CDH2: variants seen among roughly 807,000 people sequenced by gnomAD.
CDH2 encodes the protein cadherin 2, also known as cadherin-2.
CDH2 carries 17 observed loss-of-function variants against 92.0 expected under a neutral mutation model. The observed-to-expected ratio is 0.18, with a 90% CI of 0.13 to 0.28. The LOEUF is 0.28. CDH2 is among the 10% of genes least tolerant of loss of function. CDH2 has a pLI of 1.00. For missense variants in CDH2, 862 were observed against 1,133.1 expected, an observed-to-expected ratio of 0.76 and a Z score of 3.44; for synonymous variants, 419 against 415.9, an observed-to-expected ratio of 1.01 and a Z score of -0.09.
chr18:27,970,571 A>AT lies in CDH2; in HGVS notation c.2350-7051dup, dbSNP rs1355923765. Among the ~76,000 whole-genome samples, 6 of 152,302 alleles carry AT rather than the reference A, an allele frequency of 3.9e-5. No homozygotes were observed. In the South Asian group the frequency reaches 6.2e-4, roughly 16 times the overall value. On this transcript the variant is annotated intron_variant, in intron 14 of 15. Transcript: ENST00000269141. ...TACTGCAAAGGGAGCCAAGTATTTG[A>AT]TTTTTTAAAATCCTTGATTCAAATC... is the stretch of plus-strand genomic sequence containing the variant.
intron 6 of CDH2, among the ~76,000 whole-genome samples, chr18:27,935,006 C>G (rs1598973810): frequency 6.6e-6 from 1 of 152,184 alleles, no homozygotes; most frequent in Admixed American, 6.5e-5. Flanking sequence ...CCCTCCAGTG[C>G]TTTACTTGAC....
At chr18:28,044,233 AG>A (rs1253747267) in intron 2 of CDH2, among the ~76,000 whole-genome samples, 1 of 152,170 alleles carries the variant, frequency 6.6e-6, no homozygotes, top group East Asian at 1.9e-4. Flanking sequence ...ACATTTGAAC[AG>A]AGGTAAATAA....
chr18:28,070,816 C>T (rs1177573231), intron 2 of CDH2, among the ~76,000 whole-genome samples: 2 of 152,160 alleles, frequency 1.3e-5, no homozygotes, highest in African/African-American at 4.8e-5. Context: ...AACAACACAT[C>T]ATGTCACACC....
intron 2 of CDH2, among the ~76,000 whole-genome samples, chr18:28,043,478 AT>A (rs2013997730): frequency 1.3e-4 from 12 of 95,238 alleles, no homozygotes; most frequent in Admixed American, 8.2e-4. Flanking sequence ...ATATATATAT[AT>A]ATATATATAT....
chr18:28,066,591 C>T (rs1193198161), intron 2 of CDH2, among the ~76,000 whole-genome samples: 2 of 152,070 alleles, frequency 1.3e-5, no homozygotes, highest in African/African-American at 2.4e-5. Flanking sequence ...AACCATTTTA[C>T]TAATTCTCTT....
At chr18:28,160,317 A>C (rs2016288006) in intron 1 of CDH2, among the ~76,000 whole-genome samples, 1 of 152,082 alleles carries the variant, frequency 6.6e-6, no homozygotes. Flanking sequence ...GGCCTTGGCA[A>C]TGGTCTAAGG....
At chr18:27,983,223 T>C in intron 13 of CDH2, 140 bp from the exon 14 acceptor site, 1 of 594,736 alleles carries the variant, frequency 1.7e-6, no homozygotes, top group Non-Finnish European at 2.8e-6. Context: ...TATCTATTTC[T>C]GGCCTCACAT....
intron 2 of CDH2, among the ~76,000 whole-genome samples, chr18:28,101,816 C>A (rs1210965879): frequency 1.3e-5 from 2 of 151,524 alleles, no homozygotes; most frequent in Non-Finnish European, 2.9e-5. Context: ...TTAAGAATTC[C>A]AAATATAAGA....
intron 2 of CDH2, among the ~76,000 whole-genome samples, chr18:28,030,359 G>A (rs2013663057): frequency 6.6e-6 from 1 of 151,986 alleles, no homozygotes; most frequent in African/African-American, 2.4e-5. Flanking sequence ...AAAATGTAGG[G>A]ATATAAAACC....
Position 28,013,618 on chromosome 18 carries a change from T to C in CDH2, c.399+65A>G, listed in dbSNP as rs191307092. ...TTAATGTGGTCTGAAGCAAAGCATA[T>C]ATTTAGTTCAAACTGTATAAAGCTG... is the stretch of plus-strand genomic sequence containing the variant. On this transcript the variant is annotated intron_variant, in intron 3 of 15. Coordinates refer to ENST00000269141, the MANE Select transcript of CDH2 (RefSeq NM_001792.5). 204 of 1,113,272 alleles carry C rather than the reference T, an allele frequency of 1.8e-4. No individual in the cohort carries two copies. The Middle Eastern group carries it at 2.4e-3, about 13-fold the overall frequency. The allele number at this position is 1,113,272 out of a possible 1,614,324, so 69.0% of individuals were successfully genotyped here. A position where few individuals can be genotyped will look rare whatever the true frequency, so the allele number is the denominator to read the frequency against.
intron 2 of CDH2, among the ~76,000 whole-genome samples, chr18:28,055,259 C>T (rs2014269367): frequency 6.6e-6 from 1 of 152,112 alleles, no homozygotes; most frequent in Non-Finnish European, 1.5e-5. Context: ...GGGGAAACTG[C>T]CTCCATAATT....
chr18:28,115,580 T>C (rs980894297), intron 2 of CDH2, among the ~76,000 whole-genome samples: 7 of 152,164 alleles, frequency 4.6e-5, no homozygotes, highest in African/African-American at 1.7e-4. Flanking sequence ...AGCTACACAA[T>C]CCTGAGGATA....
At chr18:28,023,303 C>T (rs1041601542) in intron 2 of CDH2, among the ~76,000 whole-genome samples, 2 of 152,078 alleles carry the variant, frequency 1.3e-5, no homozygotes, top group African/African-American at 2.4e-5. Flanking sequence ...GCCAGAGCAC[C>T]AGCCTCATGT....
chr18:28,084,620 A>C (rs1370315340), intron 2 of CDH2, among the ~76,000 whole-genome samples: 1 of 152,058 alleles, frequency 6.6e-6, no homozygotes, highest in African/African-American at 2.4e-5. Flanking sequence ...ATAAAATATC[A>C]AAAGTACCAG....
chr18:28,052,146 C>A (rs1028219689), intron 2 of CDH2, among the ~76,000 whole-genome samples: 1 of 152,070 alleles, frequency 6.6e-6, no homozygotes, highest in African/African-American at 2.4e-5. Flanking sequence ...AAAGACAATT[C>A]TTTGTATTTC....
intron 1 of CDH2, among the ~76,000 whole-genome samples, chr18:28,161,817 A>G (rs1157694939): frequency 6.6e-6 from 1 of 152,132 alleles, no homozygotes; most frequent in Admixed American, 6.5e-5. Flanking sequence ...ACTAGTAATA[A>G]CATTCTTGAC....
At chr18:27,953,323 ATGCTC>A (rs1384680730) in intron 15 of CDH2, among the ~76,000 whole-genome samples, 4 of 152,156 alleles carry the variant, frequency 2.6e-5, no homozygotes, top group Non-Finnish European at 4.4e-5. Flanking sequence ...TAGAGTCTCT[ATGCTC>A]TGCAAAACTT....
intron 1 of CDH2, among the ~76,000 whole-genome samples, chr18:28,149,680 A>C (rs2016091083): frequency 6.6e-6 from 1 of 152,252 alleles, no homozygotes; most frequent in South Asian, 2.1e-4. Flanking sequence ...GATAAACATG[A>C]AATTTAGGAT....
chr18:28,162,028 C>G (rs1274253236), intron 1 of CDH2, among the ~76,000 whole-genome samples: 1 of 152,200 alleles, frequency 6.6e-6, no homozygotes, highest in African/African-American at 2.4e-5. Flanking sequence ...AAGCCACATT[C>G]TCTAACCTTG....
Sources: allele counts gnomAD v4.1 joint callset (sites outside exome capture counted in the v4.1 genomes callset), GRCh38; gene constraint gnomAD v4.1.1; transcripts MANE v1.5; gene names NCBI Gene and HGNC (gene_info 2026-07-23, HGNC 2026-07-21).